CNTN4: variants seen among roughly 807,000 people sequenced by gnomAD.
CNTN4 encodes contactin 4.
Under a neutral mutation model 122.5 loss-of-function variants are expected in CNTN4, and 77 were observed. The ratio of observed to expected loss-of-function variants is 0.63; its 90% CI spans 0.52 to 0.76. The LOEUF is 0.76. Among genes scored for constraint, CNTN4 ranks in the 30% least tolerant of loss-of-function variants. The pLI is 0.00. For missense variants in CNTN4, 1,256 were observed against 1,259.1 expected (o/e 1.00, Z 0.04); for synonymous variants, 512 against 447.0 (o/e 1.15, Z -1.83).
intron 3 of CNTN4, among the ~76,000 whole-genome samples, chr3:2,401,978 G>T (rs2046874958): frequency 6.6e-6 from 1 of 152,094 alleles, no homozygotes; most frequent in African/African-American, 2.4e-5. Context: ...GCTGCCCTTG[G>T]GGCTAAGAAC....
intron 18 of CNTN4, among the ~76,000 whole-genome samples, chr3:3,038,610 C>T (rs1026894832): frequency 3.3e-5 from 5 of 152,248 alleles, no homozygotes; most frequent in Admixed American, 2.0e-4. Flanking sequence ...CATAACCAAA[C>T]ATTAGGACCA....
chr3:3,038,877 T>C lies in CNTN4; in HGVS notation c.2093-56T>C, dbSNP rs564135421. The C allele has an allele frequency of 1.0e-5, 15 of 1,476,656 alleles. No individual in the cohort carries two copies. The African/African-American group carries it at 1.7e-4, about 16-fold the overall frequency. 91.5% of individuals were successfully genotyped at this position (1,476,656 alleles called of 1,614,324 possible). ...AGTCACCTCTGCCAGGCAACCTTCC[T>C]GGCCCTCATTCGCCTTTGCCGCCTG... On this transcript the variant is annotated intron_variant, in intron 18 of 24. Coordinates refer to ENST00000418658, the MANE Select transcript of CNTN4 (RefSeq NM_175607.3).
chr3:2,342,876 C>T (rs2044260959), intron 3 of CNTN4, among the ~76,000 whole-genome samples: 1 of 152,126 alleles, frequency 6.6e-6, no homozygotes, highest in Admixed American at 6.5e-5. Context: ...CTAGAATAGG[C>T]AAAACTATAG....
intron 3 of CNTN4, among the ~76,000 whole-genome samples, chr3:2,482,944 T>C (rs1307408730): frequency 6.6e-6 from 1 of 152,184 alleles, no homozygotes; most frequent in Non-Finnish European, 1.5e-5. Flanking sequence ...GGCCCCACAC[T>C]GAGTCCCCAC....
intron 2 of CNTN4, among the ~76,000 whole-genome samples, chr3:2,181,006 T>C (rs894707583): frequency 6.6e-6 from 1 of 152,118 alleles, no homozygotes; most frequent in African/African-American, 2.4e-5. Context: ...TAATTTCTTA[T>C]TGAGGACAAC....
intron 7 of CNTN4, among the ~76,000 whole-genome samples, chr3:2,853,751 C>A (rs2093585259): frequency 1.3e-5 from 2 of 152,096 alleles, no homozygotes; most frequent in Admixed American, 1.3e-4. Context: ...CGTCTTGAAA[C>A]CAGAGGAAAA....
intron 3 of CNTN4, among the ~76,000 whole-genome samples, chr3:2,463,425 G>A (rs1474277506): frequency 6.6e-6 from 1 of 152,180 alleles, no homozygotes; most frequent in South Asian, 2.1e-4. Flanking sequence ...TTAGCATGAG[G>A]AACACTTTAT....
chr3:2,632,346 C>A (rs1329861036), intron 4 of CNTN4, among the ~76,000 whole-genome samples: 1 of 152,156 alleles, frequency 6.6e-6, no homozygotes, highest in Non-Finnish European at 1.5e-5. Context: ...GTAAACCCAA[C>A]ACTTCTGATT....
At chr3:3,036,459 G>C (rs1699613564) in intron 17 of CNTN4, among the ~76,000 whole-genome samples, 1 of 152,070 alleles carries the variant, frequency 6.6e-6, no homozygotes, top group Non-Finnish European at 1.5e-5. Context: ...GGCACAATAA[G>C]AATTGTTTAA....
intron 2 of CNTN4, among the ~76,000 whole-genome samples, chr3:2,164,858 AAAAAC>A (rs1050345490): frequency 2.0e-5 from 3 of 152,216 alleles, no homozygotes; most frequent in Non-Finnish European, 2.9e-5. Flanking sequence ...ACTGTTTAAA[AAAAAC>A]AAAACAAAAC....
chr3:2,597,379 T>C (rs1355861573), intron 4 of CNTN4, among the ~76,000 whole-genome samples: 1 of 152,212 alleles, frequency 6.6e-6, no homozygotes, highest in African/African-American at 2.4e-5. Context: ...ACAATTTTTA[T>C]GAAGTATTAG....
intron 6 of CNTN4, among the ~76,000 whole-genome samples, chr3:2,755,543 C>T (rs1199477742): frequency 2.0e-5 from 3 of 152,108 alleles, no homozygotes; most frequent in African/African-American, 7.2e-5. Flanking sequence ...GACAGAAAGA[C>T]ATTAATGGTG....
At chr3:3,040,320 C>A in intron 20 of CNTN4, 49 bp downstream of exon 20, 1 of 1,380,854 alleles carries the variant, frequency 7.2e-7, no homozygotes, top group Non-Finnish European at 1.0e-6. Flanking sequence ...TTCTTCAATT[C>A]TAAAATGTGG....
rs182626857 is a variant in CNTN4, at chr3:2,980,660, C to G, written c.1359-7685C>G. 6.6e-4 allele frequency among the ~76,000 whole-genome samples: 101 copies of G among 152,264 alleles called. 4 individuals are homozygous for G. The East Asian group carries it at 0.016, about 25-fold the overall frequency. On this transcript the variant is annotated intron_variant, in intron 13 of 24. Transcript: ENST00000418658. The stretch of plus-strand genomic sequence containing the variant: ...CAAGAAAATTAAGGACACGGGCACA[C>G]ACAAGGAGTGAGTTTAGAGCCGAAG...
At chr3:2,292,224 CT>C (rs1474337532) in intron 2 of CNTN4, among the ~76,000 whole-genome samples, 3 of 152,292 alleles carry the variant, frequency 2.0e-5, no homozygotes, top group Admixed American at 6.5e-5. Flanking sequence ...GGATTCTTCT[CT>C]AATAGTGTTA....
At chr3:2,192,767 T>G (rs942167471) in intron 2 of CNTN4, among the ~76,000 whole-genome samples, 1 of 152,156 alleles carries the variant, frequency 6.6e-6, no homozygotes, top group Non-Finnish European at 1.5e-5. Context: ...GGCTTACTGA[T>G]TTTTCTCTTC....
chr3:2,422,981 A>G (rs1288785712), intron 3 of CNTN4, among the ~76,000 whole-genome samples: 1 of 152,240 alleles, frequency 6.6e-6, no homozygotes, highest in Admixed American at 6.5e-5. Flanking sequence ...AAAAAGCAGC[A>G]TTGGCTTTAG....
At chr3:2,638,289 C>G (rs1488105123) in intron 4 of CNTN4, among the ~76,000 whole-genome samples, 1 of 152,166 alleles carries the variant, frequency 6.6e-6, no homozygotes, top group Non-Finnish European at 1.5e-5. Context: ...TCCAGCCTCA[C>G]CTTCAAACTC....
intron 4 of CNTN4, among the ~76,000 whole-genome samples, chr3:2,575,734 G>C (rs2079633854): frequency 8.6e-5 from 13 of 150,518 alleles, no homozygotes; most frequent in Admixed American, 7.3e-4. Flanking sequence ...TATCTTCTAT[G>C]CTTTTTATTG....
Sources: gnomAD v4.1 joint callset for allele counts (sites outside exome capture counted in the v4.1 genomes callset) on GRCh38, gnomAD v4.1.1 for gene constraint, MANE v1.5 for transcripts, NCBI Gene and HGNC (gene_info 2026-07-23, HGNC 2026-07-21) for gene names.